LAMA2: variants seen among roughly 807,000 people sequenced by gnomAD.
LAMA2 encodes the protein laminin subunit alpha 2, also known as laminin subunit alpha-2.
Under a neutral mutation model 364.8 loss-of-function variants are expected in LAMA2, and 269 were observed. That is an observed-to-expected ratio of 0.74 (90% CI 0.67 to 0.82). The LOEUF is 0.82. Among genes scored for constraint, LAMA2 ranks in the 40% least tolerant of loss-of-function variants. LAMA2 has a pLI of 0.00. For synonymous variants in LAMA2, 1,379 were observed against 1,370.6 expected (o/e 1.01, Z -0.14); for missense variants, 3,807 against 3,873.2 (o/e 0.98, Z 0.45).
At chr6:129,222,493 TC>T (rs796636146) in intron 12 of LAMA2, among the ~76,000 whole-genome samples, 18 of 69,340 alleles carry the variant, frequency 2.6e-4, no homozygotes, top group African/African-American at 8.8e-4. Context: ...CCCTCCCCCC[TC>T]CCCCCACCCT....
chr6:129,145,939 A>G (rs929830973), intron 5 of LAMA2, among the ~76,000 whole-genome samples: 2 of 151,990 alleles, frequency 1.3e-5, no homozygotes, highest in Non-Finnish European at 2.9e-5. Context: ...GTTAAATGGA[A>G]AAAATATTTT....
chr6:128,909,494 T>C (rs1432260184), intron 1 of LAMA2, among the ~76,000 whole-genome samples: 2 of 150,082 alleles, frequency 1.3e-5, no homozygotes, highest in Non-Finnish European at 3.0e-5. Context: ...GCTTGGTAGA[T>C]CTTCCTCCAT....
intron 12 of LAMA2, among the ~76,000 whole-genome samples, chr6:129,214,791 A>G (rs1255321423): frequency 6.6e-6 from 1 of 152,152 alleles, no homozygotes; most frequent in Non-Finnish European, 1.5e-5. Context: ...TAAATTTTAG[A>G]ATCAGTGTGT....
At chr6:129,010,305 C>G (rs1784686003) in intron 1 of LAMA2, among the ~76,000 whole-genome samples, 1 of 152,146 alleles carries the variant, frequency 6.6e-6, no homozygotes, top group South Asian at 2.1e-4. Context: ...CTGAAAGATT[C>G]TCTACCAAAC....
intron 3 of LAMA2, among the ~76,000 whole-genome samples, chr6:129,060,982 C>T (rs898381390): frequency 5.9e-5 from 9 of 152,154 alleles, no homozygotes; most frequent in African/African-American, 2.2e-4. Flanking sequence ...TCTACCCTCA[C>T]TAATATACAG....
intron 1 of LAMA2, among the ~76,000 whole-genome samples, chr6:129,046,327 AGGTTTAATAGACTCACAGTTCCACAT>A (rs1787495189): frequency 6.6e-6 from 1 of 152,230 alleles, no homozygotes; most frequent in Non-Finnish European, 1.5e-5. Context: ...AGAGAAAAAT[AGGTTTAATAGACTCACAGTTCCACAT>A]GGCTGGGGAG....
At chr6:129,044,270 G>T (rs749665466) in intron 1 of LAMA2, among the ~76,000 whole-genome samples, 6 of 151,922 alleles carry the variant, frequency 3.9e-5, no homozygotes, top group African/African-American at 1.4e-4. Flanking sequence ...TCCAATAAAA[G>T]CTACTTCACA....
At chr6:129,318,093 T>A (rs1190871669) in intron 27 of LAMA2, among the ~76,000 whole-genome samples, 1 of 152,202 alleles carries the variant, frequency 6.6e-6, no homozygotes, top group Non-Finnish European at 1.5e-5. Context: ...TTTGATTTTG[T>A]AAGGCAGTGG....
chr6:128,925,314 G>T (rs930089298), intron 1 of LAMA2, among the ~76,000 whole-genome samples: 1 of 152,142 alleles, frequency 6.6e-6, no homozygotes, highest in Admixed American at 6.5e-5. Context: ...GTATACGATG[G>T]AACATTATTC....
At chr6:129,168,093 A>G (rs549511131) in intron 9 of LAMA2, among the ~76,000 whole-genome samples, 83 of 142,260 alleles carry the variant, frequency 5.8e-4, no homozygotes, top group African/African-American at 2.1e-3. Context: ...GGTTGCAAAA[A>G]TTTTCTCCCA....
chr6:128,974,215 T>C (rs1289629059), intron 1 of LAMA2, among the ~76,000 whole-genome samples: 1 of 152,188 alleles, frequency 6.6e-6, no homozygotes, highest in Non-Finnish European at 1.5e-5. Context: ...CAGGCTTGAC[T>C]GTCAAACAGG....
intron 1 of LAMA2, among the ~76,000 whole-genome samples, chr6:129,042,303 T>C (rs1161894075): frequency 1.3e-5 from 2 of 152,126 alleles, no homozygotes; most frequent in Admixed American, 1.3e-4. Flanking sequence ...AGACTCCATG[T>C]CAATAATAGT....
intron 42 of LAMA2, among the ~76,000 whole-genome samples, chr6:129,440,311 T>A (rs888522695): frequency 2.0e-5 from 3 of 152,142 alleles, no homozygotes; most frequent in Admixed American, 2.0e-4. Context: ...CAGATTTTCA[T>A]GTCCCTTTTT....
At chr6:129,118,278 A>G (rs932419275) in intron 4 of LAMA2, among the ~76,000 whole-genome samples, 5 of 152,230 alleles carry the variant, frequency 3.3e-5, no homozygotes, top group African/African-American at 1.2e-4. Context: ...GAAGTAAAAA[A>G]TAAAAAACAA....
chr6:129,165,813 T>G, intron 9 of LAMA2, 138 bp downstream of exon 9: 1 of 678,250 alleles, frequency 1.5e-6, no homozygotes, highest in Non-Finnish European at 2.7e-6. Context: ...TGTATTAGCG[T>G]TCCCTCCAGG....
At chr6:129,427,893 C>T (rs889379793) in intron 41 of LAMA2, 39 bp downstream of exon 41, 14 of 1,209,292 alleles carry the variant, frequency 1.2e-5, no homozygotes, top group Middle Eastern at 1.9e-4. Flanking sequence ...TCCAGTTAAT[C>T]GGGTTGTTAC....
At chr6:128,929,958 CCCT>C (rs1779354945) in intron 1 of LAMA2, 1 of 699,270 alleles carries the variant, frequency 1.4e-6, no homozygotes, top group Non-Finnish European at 2.5e-6. Flanking sequence ...ACCCACCACT[CCCT>C]CATCCTGCGG....
At chr6:129,320,765 A>G in intron 28 of LAMA2, 110 bp downstream of exon 28, 1 of 712,322 alleles carries the variant, frequency 1.4e-6, no homozygotes, top group Non-Finnish European at 2.6e-6. Flanking sequence ...ATTTTATTTA[A>G]TCTTCCACTC....
At chr6:129,141,997 A>G (rs906548933) in intron 4 of LAMA2, among the ~76,000 whole-genome samples, 1 of 152,084 alleles carries the variant, frequency 6.6e-6, no homozygotes, top group African/African-American at 2.4e-5. Flanking sequence ...TTTACAGAAT[A>G]CAAAAATAGT....
Sources: gnomAD v4.1 joint callset for allele counts (sites outside exome capture counted in the v4.1 genomes callset) on GRCh38, gnomAD v4.1.1 for gene constraint, MANE v1.5 for transcripts, NCBI Gene and HGNC (gene_info 2026-07-23, HGNC 2026-07-21) for gene names.